The following SPATA1 variants were observed in gnomAD, a reference collection of about 807,000 sequenced individuals.
The protein encoded by SPATA1 is spermatogenesis-associated protein 1.
SPATA1 carries 57 observed loss-of-function variants against 59.6 expected under a neutral mutation model. The ratio of observed to expected loss-of-function variants is 0.96; its 90% CI spans 0.77 to 1.19. SPATA1 has a LOEUF of 1.19. Among genes scored for constraint, SPATA1 ranks in the 50% most tolerant of loss-of-function variants. The pLI, the probability that SPATA1 is intolerant of heterozygous loss-of-function variation, is 0.00. For missense variants in SPATA1, 448 were observed against 480.7 expected (o/e 0.93, Z 0.64); for synonymous variants, 147 against 163.9 (o/e 0.90, Z 0.79).
At chr1:84,532,948 T>A in exon 7 of SPATA1, 2 of 1,551,644 alleles carry the variant, frequency 1.3e-6, no homozygotes, top group Non-Finnish European at 1.7e-6. Context: ...AAGATTCAAA[T>A]AATGATTGCT....
downstream of SPATA1, among the ~76,000 whole-genome samples, chr1:84,557,351 G>A (rs1242047456): frequency 6.6e-6 from 1 of 151,980 alleles, no homozygotes; most frequent in Non-Finnish European, 1.5e-5. Flanking sequence ...TGGCCAACAT[G>A]GTGAAACCCT....
downstream of SPATA1, among the ~76,000 whole-genome samples, chr1:84,558,581 G>C (rs1018555804): frequency 6.8e-6 from 1 of 147,790 alleles, no homozygotes; most frequent in African/African-American, 2.5e-5. Context: ...GTGAGCCACC[G>C]CGCCCGGCCA....
chr1:84,525,247 G>C (rs560110970), intron 4 of SPATA1, among the ~76,000 whole-genome samples: 1 of 152,188 alleles, frequency 6.6e-6, no homozygotes, highest in African/African-American at 2.4e-5. Context: ...GATTACAGGC[G>C]TGAGTCACCA....
chr1:84,563,783 C>G, intron 4 of SPATA1: 1 of 1,608,862 alleles, frequency 6.2e-7, no homozygotes, highest in Non-Finnish European at 8.5e-7. Context: ...AAGGAACACC[C>G]ATTACAAGTT....
In SPATA1 at chr1:84,550,540, A is replaced by T. The variant is rs201018725; in HGVS notation, c.1224+10A>T. On this transcript the variant is annotated intron_variant, in intron 12 of 12. Coordinates refer to ENST00000490879, the Ensembl canonical transcript of SPATA1. ...CATAGTAGAAGTTAAGGTAATTTAC[A>T]TTTTTCCTAATCAGATTATTATAAC... is the stretch of plus-strand genomic sequence containing the variant. 4.6e-5 allele frequency: 69 copies of T among 1,506,586 alleles called. No homozygotes were observed. The highest frequency in any genetic ancestry group is 6.0e-5 in the Non-Finnish European group (68 of 1,125,014). The allele number at this position is 1,506,586 out of a possible 1,614,324, so 93.3% of individuals were successfully genotyped here. A position where few individuals can be genotyped will look rare whatever the true frequency, so the allele number is the denominator to read the frequency against.
At position 84,525,840 on chromosome 1, in the gene SPATA1, T is replaced by G; in HGVS notation, c.316-5T>G. ...CTAACTTTTAAAATTTCCTATATGT[T>G]TTAGGCTCTTCAACCAGAATTATAT... On this transcript the variant is annotated splice_region_variant and splice_polypyrimidine_tract_variant and intron_variant, in intron 5 of 12. Coordinates refer to ENST00000490879, the Ensembl canonical transcript of SPATA1. 1.9e-6 allele frequency: 3 copies of G among 1,610,098 alleles called. No homozygotes were observed. Among genetic ancestry groups the G allele is most frequent in the Non-Finnish European group, 2.5e-6 (3 of 1,178,864 alleles).
chr1:84,515,942 T>C (rs1049194059), intron 1 of SPATA1, among the ~76,000 whole-genome samples: 2 of 152,184 alleles, frequency 1.3e-5, no homozygotes, highest in Non-Finnish European at 2.9e-5. Flanking sequence ...AAATGTGTAT[T>C]TCTACTTCAT....
chr1:84,543,083 CCTCT>C (rs372524980), intron 8 of SPATA1, among the ~76,000 whole-genome samples: 2 of 151,830 alleles, frequency 1.3e-5, no homozygotes, highest in Non-Finnish European at 2.9e-5. Context: ...GTGAATGTGG[CCTCT>C]CTCTCTCTAA....
intron 6 of SPATA1, among the ~76,000 whole-genome samples, chr1:84,529,680 T>C (rs111709167): frequency 0.016 from 2,384 of 145,196 alleles, 63 homozygotes; most frequent in African/African-American, 0.057. Flanking sequence ...CTCCCGGGTT[T>C]CAGCAATTCT....
intron 1 of SPATA1, among the ~76,000 whole-genome samples, 185 bp from the exon 2 acceptor site, chr1:84,516,038 C>A (rs1682779869): frequency 6.6e-6 from 1 of 152,056 alleles, no homozygotes; most frequent in African/African-American, 2.4e-5. Flanking sequence ...GTCACAAGTC[C>A]ATTATAATGT....
chr1:84,533,080 G>T, intron 7 of SPATA1, 106 bp downstream of exon 7: 1 of 670,248 alleles, frequency 1.5e-6, no homozygotes, highest in South Asian at 3.3e-5. Flanking sequence ...AGATATGAGT[G>T]AAATTAGTGA....
chr1:84,521,822 AAT>A (rs1439234597), intron 3 of SPATA1, among the ~76,000 whole-genome samples: 11 of 152,148 alleles, frequency 7.2e-5, no homozygotes, highest in African/African-American at 2.4e-4. Context: ...ATGCTCAATA[AAT>A]ATGTGTTGAT....
At chr1:84,554,962 T>C (rs1684385339), downstream of SPATA1, 1 of 1,545,116 alleles carries the variant, frequency 6.5e-7, no homozygotes, top group South Asian at 1.1e-5. Flanking sequence ...TTGATACAGA[T>C]CATCTTTCTA....
At chr1:84,555,842 A>ATT (rs1485317058), downstream of SPATA1, 1 of 152,246 alleles carries the variant, frequency 6.6e-6, no homozygotes, top group African/African-American at 2.4e-5. Context: ...GTATGCAACC[A>ATT]AAGTTAAGGG....
intron 12 of SPATA1, chr1:84,551,166 A>C (rs191978576): frequency 5.0e-5 from 49 of 985,286 alleles, no homozygotes; most frequent in Non-Finnish European, 5.4e-5. Flanking sequence ...TGTTGAACAG[A>C]AAACAGAAGA....
intron 8 of SPATA1, among the ~76,000 whole-genome samples, chr1:84,538,284 C>T (rs1683780376): frequency 6.6e-6 from 1 of 152,124 alleles, no homozygotes; most frequent in African/African-American, 2.4e-5. Context: ...CTTTTTTCTT[C>T]ATCCCAATTA....
At chr1:84,523,292 T>G (rs1364795195) in intron 4 of SPATA1, among the ~76,000 whole-genome samples, 2 of 152,212 alleles carry the variant, frequency 1.3e-5, no homozygotes, top group Non-Finnish European at 2.9e-5. Flanking sequence ...TATTCCTAGC[T>G]TAAGTTTCAA....
intron 12 of SPATA1, chr1:84,551,109 C>T: frequency 1.0e-6 from 1 of 985,218 alleles, no homozygotes; most frequent in Non-Finnish European, 1.2e-6. Context: ...CAACTAATTA[C>T]ATCATAGAAA....
chr1:84,546,736 A>G (rs1223672038), intron 10 of SPATA1, among the ~76,000 whole-genome samples: 2 of 152,102 alleles, frequency 1.3e-5, no homozygotes, highest in South Asian at 4.1e-4. Flanking sequence ...ATCACCTTAT[A>G]TATCACTTAC....
Sources: allele counts gnomAD v4.1 joint callset (sites outside exome capture counted in the v4.1 genomes callset), GRCh38; gene constraint gnomAD v4.1.1; transcripts MANE v1.5; gene names NCBI Gene and HGNC (gene_info 2026-07-23, HGNC 2026-07-21).